The following SLC2A8 variants were observed in gnomAD, a reference collection of about 807,000 sequenced individuals.
SLC2A8 encodes solute carrier family 2 member 8.
A neutral mutation model predicts 49.2 loss-of-function variants in SLC2A8; 53 were observed. The observed-to-expected ratio is 1.08, with a 90% CI of 0.86 to 1.35. The LOEUF (loss-of-function observed/expected upper bound fraction) is 1.35. SLC2A8 is among the 40% of genes most tolerant of loss of function. The probability of loss-of-function intolerance (pLI) is 0.00; values close to 1 mark genes in which losing one functional copy is unlikely to be tolerated. For synonymous variants in SLC2A8, 299 were observed against 297.0 expected (o/e 1.01, Z -0.07); for missense variants, 688 against 671.7 (o/e 1.02, Z -0.27).
Position 127,407,710 on chromosome 9 carries a change from G to C in SLC2A8, c.*461G>C. On this transcript the variant is annotated 3_prime_UTR_variant, in exon 10 of 10. Transcript: ENST00000373371. Reference sequence around the variant, plus strand: ...CTTTGTGCAAGCTCAGTTTGAAAAGGGTTTATTCCCATCACTGCCCAGGAC... The same window carrying C: ...CTTTGTGCAAGCTCAGTTTGAAAAGCGTTTATTCCCATCACTGCCCAGGAC... 1 of 287,038 alleles carries C rather than the reference G, an allele frequency of 3.5e-6. No homozygotes were observed. The highest frequency in any genetic ancestry group is 7.1e-6 in the Non-Finnish European group (1 of 141,470). The allele number at this position is 287,038 out of a possible 1,614,324, so 17.8% of individuals were successfully genotyped here. A position where few individuals can be genotyped will look rare whatever the true frequency, so the allele number is the denominator to read the frequency against.
chr9:127,407,211 ACT>A lies in SLC2A8; in HGVS notation c.1399_1400del (p.Leu467GlyfsTer8), dbSNP rs1833523982. On this transcript the variant is annotated frameshift_variant, in exon 10 of 10. Coordinates refer to ENST00000373371, the MANE Select transcript of SLC2A8 (RefSeq NM_014580.5). LOFTEE classifies it high-confidence loss of function. The part of the protein sequence containing the change: ...LFCVPETKGK[T>X]LEQITAHFEG... ...CTGTGTCCCTGAAACTAAAGGAAAG[ACT>A]CTGGAACAAATCACAGCCCATTTTG... 1.9e-6 allele frequency: 3 copies of A among 1,613,220 alleles called. No homozygotes were observed. The highest frequency in any genetic ancestry group is 1.7e-6 in the Non-Finnish European group (2 of 1,179,992).
intron 7 of SLC2A8, 56 bp from the exon 8 acceptor site, chr9:127,404,762 C>CTGCG: frequency 6.4e-7 from 1 of 1,557,182 alleles, no homozygotes; most frequent in African/African-American, 1.3e-5. Context: ...GGCCATGCTG[C>CTGCG]TGCGCCCTGG....
At chr9:127,404,558 G>T (rs1833416910) in intron 7 of SLC2A8, 1 of 495,456 alleles carries the variant, frequency 2.0e-6, no homozygotes, top group East Asian at 3.4e-5. Flanking sequence ...GGGGCTGAGG[G>T]TTACTCGCTG....
At chr9:127,405,388 T>C (rs1409003243) in intron 8 of SLC2A8, 32 bp from the exon 9 acceptor site, 1 of 1,608,640 alleles carries the variant, frequency 6.2e-7, no homozygotes, top group South Asian at 1.1e-5. Context: ...CTGCGGACCC[T>C]GATGCCTGTC....
In SLC2A8 at chr9:127,404,961, G is replaced by A; in HGVS notation, c.1120G>A (p.Ala374Thr). 6.2e-7 allele frequency: 1 copy of A among 1,608,716 alleles called. No individual in the cohort carries two copies. The highest frequency in any genetic ancestry group is 8.5e-7 in the Non-Finnish European group (1 of 1,178,388). Residue 374 changes from alanine to threonine, a missense_variant, in exon 8 of 10, where the codon GCC becomes ACC. Transcript: ENST00000373371. The part of the protein sequence containing the change: ...VDASVGLAWL[A>T]VGSMCLFIAG... The stretch of plus-strand genomic sequence containing the variant: ...TGCCAGCGTGGGGCTGGCCTGGCTG[G>A]CCGTGGGCAGCATGTGCCTCTTCAT...
At chr9:127,405,398 C>T (rs1833455194) in intron 8 of SLC2A8, 22 bp from the exon 9 acceptor site, 11 of 1,610,982 alleles carry the variant, frequency 6.8e-6, no homozygotes, top group Non-Finnish European at 9.3e-6. Flanking sequence ...TGATGCCTGT[C>T]TTGCCTGTCT....
At chr9:127,400,458 G>A (rs979355529) in intron 4 of SLC2A8, among the ~76,000 whole-genome samples, 2 of 151,956 alleles carry the variant, frequency 1.3e-5, no homozygotes, top group Non-Finnish European at 1.5e-5. Context: ...GCGCCCGGCC[G>A]ATAGGTGTGT....
At chr9:127,406,735 CG>C (rs1481075144) in intron 9 of SLC2A8, among the ~76,000 whole-genome samples, 1 of 152,124 alleles carries the variant, frequency 6.6e-6, no homozygotes, top group Non-Finnish European at 1.5e-5. Flanking sequence ...AAGAACCCAC[CG>C]GGGGCCTCAG....
Position 127,399,935 on chromosome 9 carries a change from C to G in SLC2A8, c.455C>G (p.Ala152Gly). 6.2e-7 allele frequency: 1 copy of G among 1,613,790 alleles called. No individual in the cohort carries two copies. The highest frequency in any genetic ancestry group is 8.5e-7 in the Non-Finnish European group (1 of 1,179,814). Reference sequence around the variant, plus strand: ...TACATCTCCGAAATCGCCTACCCAGCAGTCCGGGGGTTGCTCGGCTCCTGT... The same window carrying G: ...TACATCTCCGAAATCGCCTACCCAGGAGTCCGGGGGTTGCTCGGCTCCTGT... ...PVYISEIAYP[A>G]VRGLLGSCVQ... The change falls in exon 4 of 10, where the codon GCA (alanine) becomes GGA (glycine). Residue 152 changes from alanine to glycine, a missense_variant. Ala to Gly is a moderately conservative substitution (Grantham distance 60). Transcript: ENST00000373371. This position sits in a 1 kb window ranked among gnomAD's most constrained non-coding sequence, Gnocchi z 4.2.
intron 7 of SLC2A8, 78 bp downstream of exon 7, chr9:127,404,145 G>A: frequency 1.0e-6 from 1 of 972,718 alleles, no homozygotes; most frequent in Non-Finnish European, 1.6e-6. Flanking sequence ...GCAGGAGGAG[G>A]ACAGGGAGCA....
intron 4 of SLC2A8, among the ~76,000 whole-genome samples, chr9:127,400,570 C>A (rs1833246514): frequency 6.6e-6 from 1 of 152,156 alleles, no homozygotes; most frequent in Non-Finnish European, 1.5e-5. Flanking sequence ...AGGTCAGTAC[C>A]TTACTGTGCA....
intron 8 of SLC2A8, 88 bp from the exon 9 acceptor site, chr9:127,405,332 G>A (rs977940030): frequency 1.4e-5 from 20 of 1,477,572 alleles, no homozygotes; most frequent in Non-Finnish European, 1.8e-5. Context: ...CCCACAGGCT[G>A]GGAAGCTGGG....
At chr9:127,402,237 T>C in intron 4 of SLC2A8, 1 of 286,372 alleles carries the variant, frequency 3.5e-6, no homozygotes. Context: ...CTTCTACAAA[T>C]GGTGCCACAT....
rs922202026 is a variant in SLC2A8, at chr9:127,399,258, T to C, written c.427-649T>C. Among the ~76,000 whole-genome samples, 3 of 152,246 alleles carry C rather than the reference T, an allele frequency of 2.0e-5. No individual in the cohort carries two copies. Among genetic ancestry groups the C allele is most frequent in the Non-Finnish European group, 4.4e-5 (3 of 68,034 alleles). The stretch of plus-strand genomic sequence containing the variant: ...TTAACAAGGTGGAATCTTTCGCCTG[T>C]CCAGACCTACTGCATCGGAATCTAT... On this transcript the variant is annotated intron_variant, in intron 3 of 9. Coordinates refer to ENST00000373371, the MANE Select transcript of SLC2A8 (RefSeq NM_014580.5). The surrounding 1 kb of genome is among the most constrained non-coding windows in gnomAD (Gnocchi z 4.2).
chr9:127,398,033 G>A lies in SLC2A8; in HGVS notation c.348G>A (p.Ala116=), dbSNP rs756945084. Residue 116 remains alanine (A), a synonymous_variant, in exon 3 of 10, where the codon GCG becomes GCA. Coordinates refer to ENST00000373371, the MANE Select transcript of SLC2A8 (RefSeq NM_014580.5). ...PFVAGFAVIT[A]AQDVWMLLGG... is the part of the protein sequence containing the mutation. ...TGGCCGGCTTTGCCGTCATCACCGC[G>A]GCCCAGGACGTGTGGATGCTGCTGG... 1 of 1,581,748 alleles carries A rather than the reference G, an allele frequency of 6.3e-7. No individual in the cohort carries two copies. The highest frequency in any genetic ancestry group is 8.5e-7 in the Non-Finnish European group (1 of 1,170,790).
intron 5 of SLC2A8, 127 bp from the exon 6 acceptor site, chr9:127,403,533 G>A: frequency 1.8e-6 from 2 of 1,082,580 alleles, no homozygotes; most frequent in Non-Finnish European, 2.7e-6. Context: ...GACACAGGGG[G>A]TGCTGGGATG....
intron 9 of SLC2A8, chr9:127,406,023 G>T: frequency 1.9e-6 from 1 of 520,090 alleles, no homozygotes; most frequent in South Asian, 1.4e-5. Context: ...CATTAATTCA[G>T]TTCATCCTGT....
At chr9:127,403,634 C>T in intron 5 of SLC2A8, 26 bp from the exon 6 acceptor site, 1 of 1,612,266 alleles carries the variant, frequency 6.2e-7, no homozygotes, top group Non-Finnish European at 8.5e-7. Context: ...GAGAGAAATC[C>T]TGATGGCCAG....
chr9:127,397,901 C>G lies in SLC2A8; in HGVS notation c.220-4C>G, dbSNP rs985068549. 6.6e-7 allele frequency: 1 copy of G among 1,509,638 alleles called. No homozygotes were observed. The highest frequency in any genetic ancestry group is 8.8e-7 in the Non-Finnish European group (1 of 1,136,322). The allele number at this position is 1,509,638 out of a possible 1,614,324, so 93.5% of individuals were successfully genotyped here. On this transcript the variant is annotated splice_region_variant and splice_polypyrimidine_tract_variant and intron_variant, in intron 2 of 9. Transcript: ENST00000373371. The stretch of plus-strand genomic sequence containing the variant: ...CCCCCTCCTCAGCAGCCGCCCGCCT[C>G]CAGGCTGTCGTGACCCTGGGTGCCG...
Sources: gnomAD v4.1 joint callset for allele counts (sites outside exome capture counted in the v4.1 genomes callset) on GRCh38, gnomAD v4.1.1 for gene constraint, Gnocchi (gnomAD v3.1) non-coding constraint, MANE v1.5 for transcripts, NCBI Gene and HGNC (gene_info 2026-07-23, HGNC 2026-07-21) for gene names.